The following SNX10 variants were observed in gnomAD, a reference collection of about 807,000 sequenced individuals.
SNX10 encodes the protein sorting nexin 10.
A neutral mutation model predicts 28.5 loss-of-function variants in SNX10; 25 were observed. That is an observed-to-expected ratio of 0.88 (90% confidence interval 0.64 to 1.22). The LOEUF (loss-of-function observed/expected upper bound fraction) is 1.22. Ranked by LOEUF, SNX10 falls within the 50% of genes most tolerant of loss-of-function variation. The probability of loss-of-function intolerance (pLI) is 0.00; values close to 1 mark genes in which losing one functional copy is unlikely to be tolerated. For missense variants in SNX10, 223 were observed against 242.6 expected (o/e 0.92, Z 0.54); for synonymous variants, 62 against 81.4 (o/e 0.76, Z 1.28).
At position 26,357,060 on chromosome 7, in the gene SNX10, A is replaced by G. The variant is rs559701429; in HGVS notation, c.25-3915A>G. The G allele has an allele frequency of 2.2e-5, 27 of 1,230,362 alleles. No homozygotes were observed. In the South Asian group the frequency reaches 2.8e-4, roughly 13 times the overall value. The allele number at this position is 1,230,362 out of a possible 1,614,324, so 76.2% of individuals were successfully genotyped here. Reference sequence around the variant, plus strand: ...ATGGAAGGCATTGGATGTATGAGGCATTCAAGTCTTACAAGACAGCCTAAG... The same window carrying G: ...ATGGAAGGCATTGGATGTATGAGGCGTTCAAGTCTTACAAGACAGCCTAAG... On this transcript the variant is annotated intron_variant, in intron 2 of 6. Transcript: ENST00000338523.
At chr7:26,305,214 C>T (rs1232427759) in intron 1 of SNX10, among the ~76,000 whole-genome samples, 1 of 152,180 alleles carries the variant, frequency 6.6e-6, no homozygotes, top group Non-Finnish European at 1.5e-5. Flanking sequence ...CTCCATCCCC[C>T]TCACTTGTCC....
intron 1 of SNX10, among the ~76,000 whole-genome samples, chr7:26,309,309 T>G (rs1425476918): frequency 1.3e-5 from 2 of 151,848 alleles, no homozygotes; most frequent in Non-Finnish European, 2.9e-5. Context: ...GTGGCCTGTT[T>G]CATATCTGAG....
intron 1 of SNX10, among the ~76,000 whole-genome samples, chr7:26,342,601 AATT>A (rs1411826295): frequency 1.3e-5 from 2 of 152,220 alleles, no homozygotes; most frequent in Non-Finnish European, 2.9e-5. Context: ...TATTTAAAAT[AATT>A]ATTACTTTAA....
chr7:26,353,430 G>C (rs747118679), intron 2 of SNX10, among the ~76,000 whole-genome samples: 5 of 139,724 alleles, frequency 3.6e-5, no homozygotes, highest in Non-Finnish European at 6.1e-5. Flanking sequence ...TAACACACTG[G>C]TAAATGCTTT....
rs913447429 is a variant in SNX10 at position 26,364,705 on chromosome 7, G to C, written c.212+70G>C. 8 of 1,072,920 alleles carry C rather than the reference G, an allele frequency of 7.5e-6. No individual in the cohort carries two copies. The highest frequency in any genetic ancestry group is 1.1e-5 in the Non-Finnish European group (8 of 733,910). 66.5% of individuals were successfully genotyped at this position (1,072,920 alleles called of 1,614,324 possible). A position where few individuals can be genotyped will look rare whatever the true frequency, so the allele number is the denominator to read the frequency against. On this transcript the variant is annotated intron_variant, in intron 4 of 6. Coordinates refer to ENST00000338523, the MANE Select transcript of SNX10 (RefSeq NM_013322.3). This position sits in a 1 kb window ranked among gnomAD's most constrained non-coding sequence, Gnocchi z 4.9. The stretch of plus-strand genomic sequence containing the variant: ...AGTATTTAAAATTGACGTTCATTAA[G>C]ATATATAAGATATGAAGGATTTTTA...
intron 1 of SNX10, among the ~76,000 whole-genome samples, chr7:26,340,701 G>C (rs1788149486): frequency 6.6e-6 from 1 of 152,214 alleles, no homozygotes; most frequent in Admixed American, 6.5e-5. Context: ...GTATCCAGCT[G>C]TAATGTCACC....
rs547292441 is a variant in SNX10, at chr7:26,325,466, A to G, written c.-23-20954A>G. ...GTAGCTGGGACTACAGGTGCACACCACCACACCCGCTAATTTTTTATATTT... is the reference window on the plus strand; with the variant it reads ...GTAGCTGGGACTACAGGTGCACACCGCCACACCCGCTAATTTTTTATATTT... On this transcript the variant is annotated intron_variant, in intron 1 of 6. Coordinates refer to ENST00000338523, the MANE Select transcript of SNX10 (RefSeq NM_013322.3). Among the ~76,000 whole-genome samples the G allele has an allele frequency of 3.0e-4, 45 of 150,108 alleles. 1 individual carries two copies. Among genetic ancestry groups the G allele is most frequent in the Non-Finnish European group, 4.9e-4 (33 of 67,438 alleles).
intron 1 of SNX10, among the ~76,000 whole-genome samples, chr7:26,315,789 C>T (rs1355236325): frequency 6.6e-6 from 1 of 152,006 alleles, no homozygotes; most frequent in Non-Finnish European, 1.5e-5. Flanking sequence ...GGGGTGCTTT[C>T]TTTTATGTAA....
chr7:26,325,388 A>G (rs992749780), intron 1 of SNX10, among the ~76,000 whole-genome samples: 17 of 142,124 alleles, frequency 1.2e-4, no homozygotes, highest in African/African-American at 4.1e-4. Context: ...ATCTTGGATC[A>G]CTGCAACCTC....
At chr7:26,335,664 G>C (rs1787899451) in intron 1 of SNX10, among the ~76,000 whole-genome samples, 1 of 151,464 alleles carries the variant, frequency 6.6e-6, no homozygotes, top group South Asian at 2.1e-4. Context: ...AGGTAGTATT[G>C]AGAGCAGATA....
chr7:26,293,850 A>C (rs1242578289), intron 1 of SNX10, among the ~76,000 whole-genome samples: 4 of 152,184 alleles, frequency 2.6e-5, no homozygotes, highest in Admixed American at 2.6e-4. Flanking sequence ...AATAGAAATA[A>C]GCACGTTCAT....
intron 1 of SNX10, among the ~76,000 whole-genome samples, chr7:26,335,776 T>C (rs1422280262): frequency 7.4e-6 from 1 of 134,938 alleles, no homozygotes; most frequent in Non-Finnish European, 1.6e-5. Flanking sequence ...CGGAGTCTCG[T>C]TCTGTCGCCC....
At chr7:26,293,007 G>T (rs2127991290) in intron 1 of SNX10, 2 of 152,388 alleles carry the variant, frequency 1.3e-5, no homozygotes, top group African/African-American at 4.8e-5. Context: ...GGAGGGGGCT[G>T]GGCTGGAGGC....
rs184579252 is a variant in SNX10 at position 26,367,570 on chromosome 7, G to A, written c.311+2425G>A. ...GCTTCAGGCCTGAACTGAGCTCTGCGGCCCCTGCTGACCCTCCCCAGCCTC... is the reference window on the plus strand; with the variant it reads ...GCTTCAGGCCTGAACTGAGCTCTGCAGCCCCTGCTGACCCTCCCCAGCCTC... On this transcript the variant is annotated intron_variant, in intron 5 of 6. Transcript: ENST00000338523. Among the ~76,000 whole-genome samples the A allele has an allele frequency of 5.3e-3, 808 of 152,292 alleles. 3 individuals carry two copies. Among genetic ancestry groups the A allele is most frequent in the Non-Finnish European group, 7.1e-3 (486 of 68,022 alleles).
chr7:26,358,634 G>A (rs1392479379), intron 2 of SNX10, among the ~76,000 whole-genome samples: 1 of 151,896 alleles, frequency 6.6e-6, no homozygotes, highest in African/African-American at 2.4e-5. Context: ...GCTACTGGGG[G>A]CGGGGTTGGC....
At chr7:26,325,611 C>T (rs1457447575) in intron 1 of SNX10, among the ~76,000 whole-genome samples, 4 of 151,686 alleles carry the variant, frequency 2.6e-5, no homozygotes, top group African/African-American at 9.7e-5. Context: ...GTGTGAGCCA[C>T]TGCACCCAGC....
chr7:26,318,215 AT>A (rs942537622), intron 1 of SNX10, among the ~76,000 whole-genome samples: 6 of 150,332 alleles, frequency 4.0e-5, no homozygotes, highest in African/African-American at 9.8e-5. Flanking sequence ...TTGCCCAGTG[AT>A]TTTTTTTTTC....
At chr7:26,293,223 C>T (rs1785991735) in intron 1 of SNX10, 1 of 152,096 alleles carries the variant, frequency 6.6e-6, no homozygotes, top group Non-Finnish European at 1.5e-5. Flanking sequence ...TCTTTTGAGA[C>T]AAGGTATTAT....
At chr7:26,311,281 C>T (rs1233094631) in intron 1 of SNX10, among the ~76,000 whole-genome samples, 1 of 152,230 alleles carries the variant, frequency 6.6e-6, no homozygotes, top group Non-Finnish European at 1.5e-5. Context: ...TCCCAAGTAG[C>T]TGGGACTACA....
Sources: gnomAD v4.1 joint callset for allele counts (sites outside exome capture counted in the v4.1 genomes callset) on GRCh38, gnomAD v4.1.1 for gene constraint, Gnocchi (gnomAD v3.1) non-coding constraint, MANE v1.5 for transcripts, NCBI Gene and HGNC (gene_info 2026-07-23, HGNC 2026-07-21) for gene names.